The following SLC7A11 variants were observed in gnomAD, a reference collection of about 807,000 sequenced individuals.
SLC7A11 encodes solute carrier family 7 member 11.
SLC7A11 carries 35 observed loss-of-function variants against 54.5 expected under a neutral mutation model. The ratio of observed to expected loss-of-function variants is 0.64; its 90% confidence interval spans 0.49 to 0.85. The LOEUF is 0.85. Among genes scored for constraint, SLC7A11 ranks in the 40% least tolerant of loss-of-function variants. The pLI is 0.00. For synonymous variants in SLC7A11, 230 were observed against 225.2 expected (o/e 1.02, Z -0.19); for missense variants, 583 against 618.1 (o/e 0.94, Z 0.60).
chr4:138,175,026 T>C lies in SLC7A11; in HGVS notation c.1445-3009A>G, dbSNP rs559608767. Among the ~76,000 whole-genome samples the C allele has an allele frequency of 3.3e-5, 5 of 152,306 alleles. No homozygotes were observed. The East Asian group carries it at 9.6e-4, about 29-fold the overall frequency. On this transcript the variant is annotated intron_variant, in intron 11 of 11. Coordinates refer to ENST00000280612, the MANE Select transcript of SLC7A11 (RefSeq NM_014331.4). ...AATAGTATTTTTTTAAGGCTACAAA[T>C]ATTTTCACAAGCATGATCTCATTTT...
At chr4:138,207,894 C>T (rs963904050) in intron 6 of SLC7A11, among the ~76,000 whole-genome samples, 1 of 151,942 alleles carries the variant, frequency 6.6e-6, no homozygotes, top group East Asian at 1.9e-4. Flanking sequence ...GTCCTACAAG[C>T]AATAGGCCTT....
At chr4:138,230,439 A>G (rs1336733098) in intron 3 of SLC7A11, among the ~76,000 whole-genome samples, 3 of 151,842 alleles carry the variant, frequency 2.0e-5, no homozygotes, top group Non-Finnish European at 4.4e-5. Context: ...AAAAATAATG[A>G]AAAAGAATGT....
In SLC7A11 at chr4:138,242,341, T is replaced by C. The variant is rs1408670646; in HGVS notation, c.-272A>G. On this transcript the variant is annotated 5_prime_UTR_variant, in exon 1 of 12. The change abolishes an upstream ATG in the 5' untranslated region. Transcript: ENST00000280612. ...TGCTGCTGCTGCTGCCGCCCTATCA[T>C]TACAAACCAGCTCAGCTTCCTCATG... 6 of 487,360 alleles carry C rather than the reference T, an allele frequency of 1.2e-5. No individual in the cohort carries two copies. Among genetic ancestry groups the C allele is most frequent in the African/African-American group, 3.9e-5 (2 of 51,338 alleles). The allele number at this position is 487,360 out of a possible 1,614,324, so 30.2% of individuals were successfully genotyped here.
chr4:138,212,902 T>C (rs1737585846), intron 6 of SLC7A11, among the ~76,000 whole-genome samples: 1 of 151,980 alleles, frequency 6.6e-6, no homozygotes, highest in Non-Finnish European at 1.5e-5. Flanking sequence ...CATGTTAAAT[T>C]CTAGTAATTG....
Position 138,223,217 on chromosome 4 carries a change from C to T in SLC7A11, c.628G>A (p.Val210Ile), listed in dbSNP as rs146354788. The T allele has an allele frequency of 3.6e-5, 58 of 1,613,332 alleles. No individual in the cohort carries two copies. In the African/African-American group the frequency reaches 6.9e-4, roughly 19 times the overall value. Residue 210 changes from valine (V) to isoleucine (I), a missense_variant, in exon 4 of 12, where the codon GTT becomes ATT. Coordinates refer to ENST00000280612, the MANE Select transcript of SLC7A11 (RefSeq NM_014331.4). Reference sequence around the variant, plus strand: ...TCCATACCTTTAATTAGCTGCATAACTCCAGGGACTATAATTATCAGAATT... The same window carrying T: ...TCCATACCTTTAATTAGCTGCATAATTCCAGGGACTATAATTATCAGAATT... ...TAILIIIVPGVMQLIKGQTQN... is the reference protein window; with the variant it reads ...TAILIIIVPGIMQLIKGQTQN...
chr4:138,187,072 G>A (rs979786954), intron 6 of SLC7A11, among the ~76,000 whole-genome samples: 1 of 152,132 alleles, frequency 6.6e-6, no homozygotes, highest in Admixed American at 6.6e-5. Flanking sequence ...CACATCACAT[G>A]ATGCTGCAAA....
intron 11 of SLC7A11, 40 bp from the exon 12 acceptor site, chr4:138,172,057 C>T (rs562704516): frequency 6.4e-7 from 1 of 1,560,364 alleles, no homozygotes; most frequent in African/African-American, 1.4e-5. Context: ...GCATGGAAAT[C>T]AGAAATGCAT....
At chr4:138,240,556 T>C (rs1447097044) in intron 1 of SLC7A11, among the ~76,000 whole-genome samples, 1 of 92,846 alleles carries the variant, frequency 1.1e-5, no homozygotes, top group Non-Finnish European at 2.4e-5. Flanking sequence ...AAAGAGCGAG[T>C]CTCTGTCTCA....
chr4:138,223,469 T>C (rs1049396841), intron 3 of SLC7A11, 145 bp from the exon 4 acceptor site: 12 of 815,352 alleles, frequency 1.5e-5, no homozygotes, highest in East Asian at 1.4e-4. Flanking sequence ...TCTCAGGCTC[T>C]GCCCCAGGCC....
At chr4:138,227,328 CTTTT>C in intron 3 of SLC7A11, among the ~76,000 whole-genome samples, 1 of 152,138 alleles carries the variant, frequency 6.6e-6, no homozygotes, top group Non-Finnish European at 1.5e-5. Context: ...TTCCTTTTAT[CTTTT>C]TATTAGAATT....
intron 3 of SLC7A11, among the ~76,000 whole-genome samples, chr4:138,228,636 G>A (rs905706472): frequency 6.6e-6 from 1 of 151,570 alleles, no homozygotes; most frequent in African/African-American, 2.4e-5. Flanking sequence ...GTGGGCGCCT[G>A]TAGTCCCAGC....
intron 11 of SLC7A11, chr4:138,176,430 A>C (rs1229331823): frequency 6.6e-6 from 1 of 152,186 alleles, no homozygotes. Flanking sequence ...GAAATGTTCA[A>C]AACATCATTA....
intron 2 of SLC7A11, among the ~76,000 whole-genome samples, chr4:138,235,825 C>A (rs1263311718): frequency 6.6e-6 from 1 of 152,172 alleles, no homozygotes; most frequent in Admixed American, 6.5e-5. Flanking sequence ...GGAAATGAGT[C>A]ATTTGACTCT....
chr4:138,241,452 C>T lies in SLC7A11; in HGVS notation c.277+341G>A, dbSNP rs147992168. 2.5e-3 allele frequency among the ~76,000 whole-genome samples: 379 copies of T among 152,228 alleles called. 1 individual carries two copies. Among genetic ancestry groups the T allele is most frequent in the African/African-American group, 8.9e-3 (369 of 41,504 alleles). Reference sequence around the variant, plus strand: ...TTCAGCATGCCAGCTGCCAGAATGCCCAAGCTAAGTGTACAACTGCCCGGC... The same window carrying T: ...TTCAGCATGCCAGCTGCCAGAATGCTCAAGCTAAGTGTACAACTGCCCGGC... On this transcript the variant is annotated intron_variant, in intron 1 of 11. Transcript: ENST00000280612.
chr4:138,179,327 G>A lies in SLC7A11; in HGVS notation c.1334C>T (p.Ser445Leu), dbSNP rs770398892. Residue 445 changes from serine (S) to leucine (L), a missense_variant, in exon 11 of 12, where the codon TCG becomes TTG. Transcript: ENST00000280612. ...GCCAATCCCTGTACTAAATGGGTCC[G>A]AATAGAGGGAAAGGGCAACCATGAA... ...CLFMVALSLY[S>L]DPFSTGIGFV... 7 of 1,612,538 alleles carry A rather than the reference G, an allele frequency of 4.3e-6. No homozygotes were observed. Among genetic ancestry groups the A allele is most frequent in the Admixed American group, 1.7e-5 (1 of 59,902 alleles).
rs577654576 is a variant in SLC7A11 at position 138,212,643 on chromosome 4, A to G, written c.791+1942T>C. On this transcript the variant is annotated intron_variant, in intron 6 of 11. Coordinates refer to ENST00000280612, the MANE Select transcript of SLC7A11 (RefSeq NM_014331.4). ...AGAGAAGGAGACAATCCTTAATTGG[A>G]ACACAGTTTAGTAGAATACATCAGA... Among the ~76,000 whole-genome samples, 10 of 152,030 alleles carry G rather than the reference A, an allele frequency of 6.6e-5. No individual in the cohort carries two copies. The East Asian group carries it at 1.7e-3, about 26-fold the overall frequency.
intron 7 of SLC7A11, among the ~76,000 whole-genome samples, chr4:138,184,642 G>T (rs545551917): frequency 6.6e-6 from 1 of 151,998 alleles, no homozygotes; most frequent in African/African-American, 2.4e-5. Context: ...TATTAATATC[G>T]CAGGACTAGT....
intron 9 of SLC7A11, 66 bp from the exon 10 acceptor site, chr4:138,180,856 C>T (rs760078709): frequency 5.7e-6 from 8 of 1,401,294 alleles, no homozygotes; most frequent in South Asian, 3.9e-5. Flanking sequence ...ACAACAAAAA[C>T]CTCACTATGC....
In SLC7A11 at chr4:138,165,065, CTAA is replaced by C. The variant is rs1441878063; in HGVS notation, c.*6888_*6890del. On this transcript the variant is annotated 3_prime_UTR_variant, in exon 12 of 12. Transcript: ENST00000280612. ...ATTTAAATACATTCATAGATAGTAC[CTAA>C]TAATATGTTAACATAAACATAACAA... The C allele has an allele frequency of 6.6e-6, 1 of 152,418 alleles. No homozygotes were observed. Among genetic ancestry groups the C allele is most frequent in the Non-Finnish European group, 1.5e-5 (1 of 67,998 alleles). The allele number at this position is 152,418 out of a possible 1,614,324, so 9.4% of individuals were successfully genotyped here. A position where few individuals can be genotyped will look rare whatever the true frequency, so the allele number is the denominator to read the frequency against.
Sources: allele counts gnomAD v4.1 joint callset (sites outside exome capture counted in the v4.1 genomes callset), GRCh38; gene constraint gnomAD v4.1.1; transcripts MANE v1.5; gene names NCBI Gene and HGNC (gene_info 2026-07-23, HGNC 2026-07-21).